ABHD12B: variants seen among roughly 807,000 people sequenced by gnomAD.
ABHD12B encodes the protein abhydrolase domain containing 12B, also known as protein ABHD12B.
In ABHD12B, 42 loss-of-function variants were observed where a neutral mutation model predicts 50.4. That is an observed-to-expected ratio of 0.83 (90% CI 0.65 to 1.08). The LOEUF (loss-of-function observed/expected upper bound fraction) is 1.08. Among genes scored for constraint, ABHD12B ranks in the 50% least tolerant of loss-of-function variants. The pLI, the probability that ABHD12B is intolerant of heterozygous loss-of-function variation, is 0.00. For missense variants in ABHD12B, 479 were observed against 447.7 expected, an observed-to-expected ratio of 1.07 and a Z score of -0.63; for synonymous variants, 167 against 160.3, an observed-to-expected ratio of 1.04 and a Z score of -0.32.
chr14:50,887,162 C>T (rs898771070), intron 8 of ABHD12B, among the ~76,000 whole-genome samples: 38 of 134,032 alleles, frequency 2.8e-4, no homozygotes, highest in African/African-American at 7.1e-4. Flanking sequence ...TGCAGTAAGC[C>T]GAGATTGCCA....
intron 9 of ABHD12B, among the ~76,000 whole-genome samples, chr14:50,890,021 T>G (rs2050097007): frequency 6.6e-6 from 1 of 152,180 alleles, no homozygotes; most frequent in African/African-American, 2.4e-5. Context: ...GGCTTTAATA[T>G]CTAAGTTTAA....
intron 6 of ABHD12B, 45 bp downstream of exon 6, chr14:50,885,704 G>A: frequency 1.2e-6 from 2 of 1,614,074 alleles, no homozygotes; most frequent in South Asian, 2.2e-5. Context: ...GTAACCAGGG[G>A]GCCTCTGATG....
rs2050131378 is a variant in ABHD12B at position 50,892,395 on chromosome 14, T to C, written c.780+3492T>C. ...CAAGGACGTGACCTCAGGCAAAGTC[T>C]AGCTTTGGCCTGATTCAGGCGGGGT... On this transcript the variant is annotated intron_variant, in intron 9 of 12. Coordinates refer to ENST00000337334, the MANE Select transcript of ABHD12B (RefSeq NM_001206673.2). 6.1e-6 allele frequency: 6 copies of C among 985,338 alleles called. No homozygotes were observed. The South Asian group carries it at 2.3e-4, about 39-fold the overall frequency. 61.0% of individuals were successfully genotyped at this position (985,338 alleles called of 1,614,324 possible).
chr14:50,892,516 T>C (rs1241533897), intron 9 of ABHD12B: 29 of 985,322 alleles, frequency 2.9e-5, no homozygotes, highest in Non-Finnish European at 3.3e-5. Flanking sequence ...TTAGGAGTGA[T>C]GGCTTCTGTC....
chr14:50,891,521 G>A (rs916218176), intron 9 of ABHD12B: 4 of 152,190 alleles, frequency 2.6e-5, no homozygotes, highest in African/African-American at 9.7e-5. Context: ...GGGATTACAG[G>A]CGTGAGCCAC....
At position 50,888,378 on chromosome 14, in the gene ABHD12B, A is replaced by ATT. The variant is rs1259500668; in HGVS notation, c.701-442_701-441dup. ...ACCACCATGCCTGGCTGATTTTTGT[A>ATT]TTTTTAGTAGAGATGGGGTTTCACC... On this transcript the variant is annotated intron_variant, in intron 8 of 12. Coordinates refer to ENST00000337334, the MANE Select transcript of ABHD12B (RefSeq NM_001206673.2). 4.6e-5 allele frequency among the ~76,000 whole-genome samples: 7 copies of ATT among 151,668 alleles called. 1 individual carries two copies. The South Asian group carries it at 6.2e-4, about 14-fold the overall frequency.
At chr14:50,892,756 A>C (rs1186684629) in intron 9 of ABHD12B, 2 of 297,086 alleles carry the variant, frequency 6.7e-6, no homozygotes, top group Non-Finnish European at 9.9e-6. Context: ...TATTTTTACT[A>C]TTTTTTTCTA....
intron 9 of ABHD12B, among the ~76,000 whole-genome samples, chr14:50,894,432 C>G (rs1438521277): frequency 1.3e-5 from 2 of 151,852 alleles, no homozygotes; most frequent in African/African-American, 2.4e-5. Flanking sequence ...GGGCTTGCCT[C>G]CTTCACTATG....
chr14:50,892,497 C>T (rs34051409), intron 9 of ABHD12B: 33,359 of 985,350 alleles, frequency 0.034, 668 homozygotes, highest in South Asian at 0.068. Context: ...GGGAGGATGG[C>T]GTAACCTCTT....
intron 9 of ABHD12B, among the ~76,000 whole-genome samples, chr14:50,889,553 G>A (rs1361571774): frequency 2.0e-5 from 3 of 152,160 alleles, no homozygotes; most frequent in Non-Finnish European, 4.4e-5. Context: ...CAGGAGAGTC[G>A]CTTGAACCCG....
intron 10 of ABHD12B, 86 bp from the exon 11 acceptor site, chr14:50,903,303 A>G (rs2142775922): frequency 9.9e-7 from 1 of 1,010,008 alleles, no homozygotes; most frequent in Non-Finnish European, 1.5e-6. Flanking sequence ...GACAGGCCTC[A>G]TGTTTTGCTA....
chr14:50,881,815 G>A (rs1193787750), intron 5 of ABHD12B, among the ~76,000 whole-genome samples, 189 bp downstream of exon 5: 3 of 152,130 alleles, frequency 2.0e-5, no homozygotes, highest in South Asian at 2.1e-4. Flanking sequence ...AAACAGAACC[G>A]AGCTTCTCTA....
chr14:50,894,895 T>G lies in ABHD12B; in HGVS notation c.780+5992T>G, dbSNP rs528228419. ...TAGGCCTCAATTCTTCCTCAGCCTC[T>G]GCTCCTCCACCCTATAATCTTTTTA... On this transcript the variant is annotated intron_variant, in intron 9 of 12. Transcript: ENST00000337334. Among the ~76,000 whole-genome samples the G allele has an allele frequency of 3.3e-4, 49 of 147,904 alleles. No individual in the cohort carries two copies. In the East Asian group the frequency reaches 5.2e-3, roughly 16 times the overall value.
In ABHD12B at chr14:50,904,355, C is replaced by T. The variant is rs2050303968; in HGVS notation, c.1078C>T (p.Gln360Ter). The T allele has an allele frequency of 1.2e-6, 2 of 1,613,872 alleles. No individual in the cohort carries two copies. The highest frequency in any genetic ancestry group is 1.7e-5 in the Admixed American group (1 of 60,008). The change falls in exon 13 of 13, where the codon CAG becomes TAG. Residue 360 changes from glutamine (Q) to a stop codon, truncating the protein, a stop_gained. Transcript: ENST00000337334. LOFTEE classifies it high-confidence loss of function. Reference sequence around the variant, plus strand: ...TTTCTACAGAGATTTCCTGAGCAAGCAGTGGTCATGAGTCTGGGAGGAGTG... The same window carrying T: ...TTTCTACAGAGATTTCCTGAGCAAGTAGTGGTCATGAGTCTGGGAGGAGTG... ...LITVRDFLSK[Q>*]WS
intron 9 of ABHD12B, among the ~76,000 whole-genome samples, chr14:50,900,588 AG>A (rs1349136767): frequency 6.6e-6 from 1 of 152,216 alleles, no homozygotes; most frequent in Non-Finnish European, 1.5e-5. Context: ...AAGGTTTGGT[AG>A]CTGGTTATGG....
intron 9 of ABHD12B, among the ~76,000 whole-genome samples, chr14:50,895,905 G>C (rs143304300): frequency 6.6e-6 from 1 of 151,994 alleles, no homozygotes; most frequent in African/African-American, 2.4e-5. Flanking sequence ...CTCCTTTTTA[G>C]TTATCCCCAC....
At chr14:50,879,352 G>T (rs761762836) in intron 3 of ABHD12B, among the ~76,000 whole-genome samples, 1 of 152,172 alleles carries the variant, frequency 6.6e-6, no homozygotes, top group Admixed American at 6.5e-5. Flanking sequence ...ATAAATGTTT[G>T]TGTGATGATT....
chr14:50,886,536 T>C (rs1341960690), intron 7 of ABHD12B, 111 bp from the exon 8 acceptor site: 14 of 957,514 alleles, frequency 1.5e-5, no homozygotes, highest in Non-Finnish European at 2.2e-5. Flanking sequence ...TTTGTGTCTA[T>C]ATGCATTTTT....
intron 1 of ABHD12B, 111 bp from the exon 2 acceptor site, chr14:50,877,841 T>C (rs1240740846): frequency 8.6e-7 from 1 of 1,164,896 alleles, no homozygotes; most frequent in Admixed American, 3.3e-5. Flanking sequence ...CACTCCAGCC[T>C]GGGCAACAAG....
Sources: gnomAD v4.1 joint callset for allele counts (sites outside exome capture counted in the v4.1 genomes callset) on GRCh38, gnomAD v4.1.1 for gene constraint, MANE v1.5 for transcripts, NCBI Gene and HGNC (gene_info 2026-07-23, HGNC 2026-07-21) for gene names.